The following MRTFA variants were observed in gnomAD, a reference collection of about 807,000 sequenced individuals.
MRTFA encodes the protein myocardin-related transcription factor A.
A neutral mutation model predicts 83.5 loss-of-function variants in MRTFA; 20 were observed. The observed-to-expected ratio is 0.24, with a 90% CI of 0.17 to 0.35. The LOEUF (loss-of-function observed/expected upper bound fraction) is 0.35. MRTFA is among the 10% of genes least tolerant of loss of function. The pLI, the probability that MRTFA is intolerant of heterozygous loss-of-function variation, is 1.00. For synonymous variants in MRTFA, 659 were observed against 541.2 expected (o/e 1.22, Z -3.02); for missense variants, 1,200 against 1,224.7 (o/e 0.98, Z 0.30).
intron 2 of MRTFA, among the ~76,000 whole-genome samples, chr22:40,568,751 T>C (rs943290527): frequency 6.6e-6 from 1 of 152,198 alleles, no homozygotes; most frequent in African/African-American, 2.4e-5. Flanking sequence ...TACATCTAAG[T>C]GCAATTACTG....
At chr22:40,492,344 A>G (rs1015508235) in intron 3 of MRTFA, among the ~76,000 whole-genome samples, 1 of 151,896 alleles carries the variant, frequency 6.6e-6, no homozygotes, top group Non-Finnish European at 1.5e-5. Context: ...GAAGGTCAGA[A>G]TCAGTAACTC....
chr22:40,584,020 A>G (rs1281877065), intron 2 of MRTFA, among the ~76,000 whole-genome samples: 1 of 152,206 alleles, frequency 6.6e-6, no homozygotes, highest in Non-Finnish European at 1.5e-5. Context: ...TTATAATCAC[A>G]ATTCTGGGAT....
chr22:40,535,594 C>T (rs1028863347), intron 3 of MRTFA, among the ~76,000 whole-genome samples: 5 of 152,086 alleles, frequency 3.3e-5, no homozygotes, highest in Non-Finnish European at 1.5e-5. Flanking sequence ...CTCAAGTGAT[C>T]CCCCTGCCTC....
At chr22:40,501,133 G>T (rs2054466458) in intron 3 of MRTFA, among the ~76,000 whole-genome samples, 1 of 2,706 alleles carries the variant, frequency 3.7e-4, no homozygotes, top group Non-Finnish European at 6.5e-4. Flanking sequence ...GGACGGGGAG[G>T]CCGGCCGGGC....
chr22:40,452,868 G>A (rs1340945091), intron 4 of MRTFA, among the ~76,000 whole-genome samples: 1 of 151,524 alleles, frequency 6.6e-6, no homozygotes, highest in Non-Finnish European at 1.5e-5. Context: ...CACAGCTCAT[G>A]GTTGGATTCT....
chr22:40,428,687 G>GT (rs902949239), intron 7 of MRTFA, among the ~76,000 whole-genome samples: 7 of 151,996 alleles, frequency 4.6e-5, no homozygotes, highest in Non-Finnish European at 8.8e-5. Flanking sequence ...CTAATTTTTT[G>GT]ATTTTTTTTG....
At chr22:40,532,142 A>C (rs1193977932) in intron 3 of MRTFA, among the ~76,000 whole-genome samples, 1 of 152,250 alleles carries the variant, frequency 6.6e-6, no homozygotes, top group East Asian at 1.9e-4. Context: ...AGCTCTTAGC[A>C]AGCAAGACAA....
rs1172778508 is a variant in MRTFA at position 40,562,404 on chromosome 22, A to AG, written c.-21-10038dup. 2.6e-5 allele frequency among the ~76,000 whole-genome samples: 4 copies of AG among 151,682 alleles called. No individual in the cohort carries two copies. The East Asian group carries it at 7.8e-4, about 30-fold the overall frequency. ...ATGACACTTAACACTGTATGGATCCAGGTTAATACCATATGGAGCAGGCAG... is the reference window on the plus strand; with the variant it reads ...ATGACACTTAACACTGTATGGATCCAGGGTTAATACCATATGGAGCAGGCAG... On this transcript the variant is annotated intron_variant, in intron 2 of 14. Transcript: ENST00000355630.
At chr22:40,561,370 A>C (rs2055614885) in intron 2 of MRTFA, among the ~76,000 whole-genome samples, 1 of 151,978 alleles carries the variant, frequency 6.6e-6, no homozygotes, top group South Asian at 2.1e-4. Flanking sequence ...GCATGCCTGT[A>C]GTCCCAGCTA....
chr22:40,536,205 AG>A (rs962331810), intron 3 of MRTFA, among the ~76,000 whole-genome samples: 3 of 151,802 alleles, frequency 2.0e-5, no homozygotes, highest in Admixed American at 2.0e-4. Context: ...TGGGAGGTTG[AG>A]GCAGGAGGAT....
intron 2 of MRTFA, among the ~76,000 whole-genome samples, chr22:40,554,101 C>T (rs2055484253): frequency 6.6e-6 from 1 of 152,162 alleles, no homozygotes; most frequent in African/African-American, 2.4e-5. Flanking sequence ...GCCTGTACCC[C>T]CCATTGTATC....
chr22:40,411,251 C>CCTCCCAGGGAAGGGAAAAA lies in MRTFA; in HGVS notation c.*120_*138dup. ...AGGAGTAAGGGCTTCTCTGTTCTAG[C>CCTCCCAGGGAAGGGAAAAA]CTCCCAGGGAAGGGAAAAAGCAGGG... On this transcript the variant is annotated 3_prime_UTR_variant, in exon 15 of 15. Transcript: ENST00000355630. 1.1e-6 allele frequency: 1 copy of CCTCCCAGGGAAGGGAAAAA among 937,602 alleles called. No homozygotes were observed. Among genetic ancestry groups the CCTCCCAGGGAAGGGAAAAA allele is most frequent in the Admixed American group, 2.8e-5 (1 of 36,204 alleles). The allele number at this position is 937,602 out of a possible 1,614,324, so 58.1% of individuals were successfully genotyped here.
chr22:40,592,481 A>AT (rs746348054), intron 2 of MRTFA, among the ~76,000 whole-genome samples: 29 of 138,278 alleles, frequency 2.1e-4, no homozygotes, highest in African/African-American at 4.0e-4. Flanking sequence ...ATCTGTGGAC[A>AT]TTTTTTTTTT....
chr22:40,446,819 G>GTTCATTACTCA (rs1295094171), intron 4 of MRTFA, among the ~76,000 whole-genome samples: 4 of 152,174 alleles, frequency 2.6e-5, no homozygotes, highest in African/African-American at 9.7e-5. Flanking sequence ...TGTGCTAACA[G>GTTCATTACTCA]TTCATTACTC....
chr22:40,451,961 GTTTTTTTTTTTTGGTTTT>G (rs2053496512), intron 4 of MRTFA, among the ~76,000 whole-genome samples: 1 of 112,662 alleles, frequency 8.9e-6, no homozygotes, highest in Admixed American at 1.1e-4. Context: ...CCTGGCTGAA[GTTTTTTTTTTTTGGTTTT>G]TTTTTTTTTT....
At chr22:40,583,038 A>G (rs954588234) in intron 2 of MRTFA, among the ~76,000 whole-genome samples, 9 of 152,146 alleles carry the variant, frequency 5.9e-5, no homozygotes, top group African/African-American at 2.2e-4. Context: ...AAATAAAGTA[A>G]AAAGTCTTTA....
chr22:40,484,897 C>T (rs1363531617), intron 3 of MRTFA, among the ~76,000 whole-genome samples: 1 of 151,500 alleles, frequency 6.6e-6, no homozygotes, highest in African/African-American at 2.4e-5. Context: ...ATGGTGAAAC[C>T]CCGTCTCTAC....
chr22:40,571,744 C>T (rs2147345973), intron 2 of MRTFA, among the ~76,000 whole-genome samples: 1 of 151,352 alleles, frequency 6.6e-6, no homozygotes, highest in East Asian at 1.9e-4. Flanking sequence ...TGATGAAACC[C>T]CGTCTCTACT....
intron 3 of MRTFA, among the ~76,000 whole-genome samples, chr22:40,503,949 A>T (rs1208091015): frequency 1.3e-5 from 2 of 152,168 alleles, no homozygotes; most frequent in Non-Finnish European, 2.9e-5. Context: ...TTCCCAGGAT[A>T]CTTAAAAAAT....
Sources: gnomAD v4.1 joint callset for allele counts (sites outside exome capture counted in the v4.1 genomes callset) on GRCh38, gnomAD v4.1.1 for gene constraint, MANE v1.5 for transcripts, NCBI Gene and HGNC (gene_info 2026-07-23, HGNC 2026-07-21) for gene names.